LIMS1: variants seen among roughly 807,000 people sequenced by gnomAD.
LIMS1 encodes the protein LIM and senescent cell antigen-like-containing domain protein 1.
In LIMS1, 18 loss-of-function variants were observed where a neutral mutation model predicts 44.1. The ratio of observed to expected loss-of-function variants is 0.41; its 90% confidence interval spans 0.28 to 0.61. The LOEUF (loss-of-function observed/expected upper bound fraction) is 0.61. LIMS1 is among the 20% of genes least tolerant of loss of function. The pLI is 0.32. For synonymous variants in LIMS1, 93 were observed against 149.1 expected, an observed-to-expected ratio of 0.62 and a Z score of 2.74; for missense variants, 201 against 422.0, an observed-to-expected ratio of 0.48 and a Z score of 4.59.
At chr2:108,663,779 A>T (rs1691545351) in intron 2 of LIMS1, among the ~76,000 whole-genome samples, 1 of 150,952 alleles carries the variant, frequency 6.6e-6, no homozygotes, top group African/African-American at 2.4e-5. Context: ...TTTGAGACAG[A>T]GTTTCACTCT....
intron 1 of LIMS1, among the ~76,000 whole-genome samples, chr2:108,546,580 G>A (rs1684489059): frequency 6.6e-6 from 1 of 151,932 alleles, no homozygotes; most frequent in Admixed American, 6.6e-5. Context: ...CTGTTCATTG[G>A]CTGATTGGCA....
chr2:108,677,764 A>C (rs1033354469), intron 7 of LIMS1, among the ~76,000 whole-genome samples: 3 of 152,200 alleles, frequency 2.0e-5, no homozygotes, highest in Admixed American at 6.6e-5. Context: ...TGCATCACTT[A>C]TTTGGGTGTT....
chr2:108,550,733 G>A (rs1294940628), intron 1 of LIMS1, among the ~76,000 whole-genome samples: 3 of 151,510 alleles, frequency 2.0e-5, no homozygotes, highest in Non-Finnish European at 4.4e-5. Context: ...GGGGAATGGC[G>A]TGAACCTGGG....
At chr2:108,570,248 T>A (rs945389162) in intron 1 of LIMS1, among the ~76,000 whole-genome samples, 1 of 152,106 alleles carries the variant, frequency 6.6e-6, no homozygotes, top group African/African-American at 2.4e-5. Context: ...CTGGTCAACA[T>A]GGTGAAACCC....
chr2:108,624,826 C>G (rs1688470516), intron 1 of LIMS1, among the ~76,000 whole-genome samples: 1 of 152,106 alleles, frequency 6.6e-6, no homozygotes, highest in South Asian at 2.1e-4. Context: ...CGCCTATAAT[C>G]CCAGCACTTT....
chr2:108,687,100 A>C, exon 10 of LIMS1: 1 of 152,184 alleles, frequency 6.6e-6, no homozygotes, highest in East Asian at 1.9e-4. Context: ...AAGTTAAGGA[A>C]GTTTTTAGAT....
intron 1 of LIMS1, among the ~76,000 whole-genome samples, chr2:108,658,904 C>T (rs1284086385): frequency 8.5e-5 from 13 of 152,286 alleles, no homozygotes; most frequent in Non-Finnish European, 1.6e-4. Context: ...TAGTCCTGCG[C>T]CTTCCTTTAA....
chr2:108,630,626 T>A, intron 1 of LIMS1, among the ~76,000 whole-genome samples: 1 of 146,896 alleles, frequency 6.8e-6, no homozygotes, highest in African/African-American at 2.7e-5. Flanking sequence ...TACTTTTTCA[T>A]TTATTTAGGG....
intron 1 of LIMS1, among the ~76,000 whole-genome samples, chr2:108,611,616 A>G (rs1311584626): frequency 6.6e-6 from 1 of 152,062 alleles, no homozygotes; most frequent in Non-Finnish European, 1.5e-5. Context: ...GCAGTAGCTC[A>G]CGCCTGTAAT....
At chr2:108,654,436 T>C (rs905644253) in intron 1 of LIMS1, among the ~76,000 whole-genome samples, 2 of 152,068 alleles carry the variant, frequency 1.3e-5, no homozygotes, top group Admixed American at 6.6e-5. Flanking sequence ...TTTGTGACTA[T>C]GTACCAGTAG....
intron 1 of LIMS1, among the ~76,000 whole-genome samples, chr2:108,593,289 TCTA>T (rs1293132766): frequency 6.6e-6 from 1 of 152,150 alleles, no homozygotes; most frequent in Non-Finnish European, 1.5e-5. Flanking sequence ...CTGTGTGACT[TCTA>T]CTGTGAAAAA....
intron 1 of LIMS1, among the ~76,000 whole-genome samples, chr2:108,563,610 G>A (rs1685197028): frequency 1.3e-5 from 2 of 152,194 alleles, no homozygotes; most frequent in South Asian, 4.1e-4. Flanking sequence ...ATGAGGGGTT[G>A]CTTCTTATGG....
At chr2:108,534,628 C>G (rs1684052183) in intron 1 of LIMS1, 34 bp downstream of exon 1, 1 of 1,097,518 alleles carries the variant, frequency 9.1e-7, no homozygotes, top group Non-Finnish European at 1.1e-6. Context: ...CCGCCACGTC[C>G]GCCCCGCAGC....
intron 2 of LIMS1, chr2:108,662,358 C>G: frequency 6.2e-7 from 1 of 1,604,438 alleles, no homozygotes; most frequent in East Asian, 2.2e-5. Context: ...TCAGAACAGC[C>G]TTGAGCAGTG....
At chr2:108,541,450 C>T (rs1486651643) in intron 1 of LIMS1, among the ~76,000 whole-genome samples, 2 of 152,208 alleles carry the variant, frequency 1.3e-5, no homozygotes, top group African/African-American at 4.8e-5. Flanking sequence ...ATTTGTTTTT[C>T]TGTGCAGGTA....
intron 1 of LIMS1, among the ~76,000 whole-genome samples, chr2:108,622,068 T>G (rs1165586302): frequency 6.6e-6 from 1 of 152,232 alleles, no homozygotes; most frequent in Non-Finnish European, 1.5e-5. Flanking sequence ...ATTTCTTAGA[T>G]TTGAGGTTCT....
chr2:108,647,931 T>G (rs971431148), intron 1 of LIMS1, among the ~76,000 whole-genome samples: 1 of 152,166 alleles, frequency 6.6e-6, no homozygotes, highest in Admixed American at 6.5e-5. Flanking sequence ...CTCTTACCAC[T>G]CCTATTCAAC....
At chr2:108,679,307 C>G (rs1394785349) in intron 8 of LIMS1, among the ~76,000 whole-genome samples, 2 of 151,654 alleles carry the variant, frequency 1.3e-5, no homozygotes, top group East Asian at 3.9e-4. Context: ...GGTGAAACCC[C>G]ATCTCTACTA....
At chr2:108,680,739 T>C (rs1244915312) in exon 9 of LIMS1, 2 of 1,610,484 alleles carry the variant, frequency 1.2e-6, no homozygotes, top group East Asian at 4.5e-5. Flanking sequence ...CTGCTTTGCC[T>C]GTTCTACCTG....
Sources: allele counts gnomAD v4.1 joint callset (sites outside exome capture counted in the v4.1 genomes callset), GRCh38; gene constraint gnomAD v4.1.1; transcripts MANE v1.5; gene names NCBI Gene and HGNC (gene_info 2026-07-23, HGNC 2026-07-21).